The following ZMYM6 variants were observed in gnomAD, a reference collection of about 807,000 sequenced individuals.
The protein encoded by ZMYM6 is zinc finger MYM-type containing 6.
ZMYM6 carries 90 observed loss-of-function variants against 134.0 expected under a neutral mutation model. The observed-to-expected ratio is 0.67, with a 90% CI of 0.57 to 0.80. ZMYM6 has a LOEUF of 0.80. Ranked by LOEUF, ZMYM6 falls within the 30% of genes least tolerant of loss-of-function variation. The pLI is 0.00. For missense variants in ZMYM6, 1,362 were observed against 1,533.9 expected (o/e 0.89, Z 1.87); for synonymous variants, 481 against 524.1 (o/e 0.92, Z 1.12).
chr1:35,012,191 T>C (rs1641099746), intron 7 of ZMYM6, among the ~76,000 whole-genome samples, 186 bp from the exon 8 acceptor site: 1 of 152,136 alleles, frequency 6.6e-6, no homozygotes, highest in South Asian at 2.1e-4. Flanking sequence ...AAAACTAACT[T>C]GGAAATTTTA....
At position 35,019,450 on chromosome 1, in the gene ZMYM6, A is replaced by C; in HGVS notation, c.331T>G (p.Ser111Ala). 1 of 1,614,168 alleles carries C rather than the reference A, an allele frequency of 6.2e-7. No homozygotes were observed. The highest frequency in any genetic ancestry group is 8.5e-7 in the Non-Finnish European group (1 of 1,180,044). ...CGTGTGGAGCAGAAGAGCTGAGTAG[A>C]TCCTGTCTTATGATATGCAGTTTGG... ...KGQTAYHKTG[S>A]TQLFCSTRCI... The change falls in exon 4 of 16, where the codon TCT becomes GCT. Residue 111 changes from serine to alanine, a missense_variant. Around this residue, in one of 3 missense-constraint regions of ZMYM6, gnomAD observed 503 missense variants for 520.8 expected, o/e 0.97. Coordinates refer to ENST00000357182, the MANE Select transcript of ZMYM6 (RefSeq NM_007167.4).
chr1:35,002,388 G>A (rs78131153), intron 14 of ZMYM6, among the ~76,000 whole-genome samples: 5,386 of 152,232 alleles, frequency 0.035, 337 homozygotes, highest in African/African-American at 0.12. Context: ...TAAAACCTTG[G>A]TGGGCTTTAA....
At chr1:35,009,396 C>T (rs1025957618) in intron 10 of ZMYM6, among the ~76,000 whole-genome samples, 2 of 152,174 alleles carry the variant, frequency 1.3e-5, no homozygotes, top group East Asian at 1.9e-4. Flanking sequence ...TGAGCCACTG[C>T]GCCCTGCCAC....
rs1641155946 is a variant in ZMYM6, at chr1:35,015,052, G to C, written c.539C>G (p.Pro180Arg). ...CLSSYELKKKPVVTIYTKSIS... is the reference protein window; with the variant it reads ...CLSSYELKKKRVVTIYTKSIS... ...GCTTTTGGTATATATGGTAACAACAGGTTTTTTCTTTAGCTCATAAGATGA... is the reference window on the plus strand; with the variant it reads ...GCTTTTGGTATATATGGTAACAACACGTTTTTTCTTTAGCTCATAAGATGA... Residue 180 changes from proline to arginine, a missense_variant, in exon 5 of 16, where the codon CCT (proline) becomes CGT (arginine). Coordinates refer to ENST00000357182, the MANE Select transcript of ZMYM6 (RefSeq NM_007167.4). The C allele has an allele frequency of 1.2e-6, 2 of 1,613,900 alleles. No individual in the cohort carries two copies. The highest frequency in any genetic ancestry group is 4.5e-5 in the East Asian group (2 of 44,866).
intron 13 of ZMYM6, among the ~76,000 whole-genome samples, chr1:35,004,698 C>T (rs1177194961): frequency 1.3e-5 from 2 of 152,002 alleles, no homozygotes; most frequent in Admixed American, 6.6e-5. Context: ...TCCCCTGAGG[C>T]GGGGGTGGGG....
At chr1:34,990,272 A>T in intron 15 of ZMYM6, 1 of 272,686 alleles carries the variant, frequency 3.7e-6, no homozygotes, top group Non-Finnish European at 8.5e-6. Flanking sequence ...TGAGGTCACG[A>T]GTTTGAGACC....
rs141664923 is a variant in ZMYM6 at position 35,014,928 on chromosome 1, G to A, written c.604-40C>T. 32 of 1,607,392 alleles carry A rather than the reference G, an allele frequency of 2.0e-5. No homozygotes were observed. In the African/African-American group the frequency reaches 3.6e-4, roughly 18 times the overall value. ...CACACATACACACACAAAATAAGCA[G>A]AGCCAGTTAAAAAAAAATCTCTTTC... On this transcript the variant is annotated intron_variant, in intron 5 of 15. Transcript: ENST00000357182.
At chr1:35,020,348 T>C in intron 3 of ZMYM6, 35 bp downstream of exon 3, 1 of 1,543,662 alleles carries the variant, frequency 6.5e-7, no homozygotes, top group South Asian at 1.2e-5. Context: ...ATAAGCAAAT[T>C]AATTGTAACT....
chr1:35,003,496 A>T (rs940703165), intron 14 of ZMYM6, among the ~76,000 whole-genome samples: 1 of 152,266 alleles, frequency 6.6e-6, no homozygotes, highest in Non-Finnish European at 1.5e-5. Flanking sequence ...AAACAGGACT[A>T]CACTGAACTT....
rs745307540 is a variant in ZMYM6, at chr1:34,988,773, A to C, written c.2309T>G (p.Ile770Ser). Reference protein sequence around the residue: ...KESSPRPQCVICGEILSSENM... With the variant: ...KESSPRPQCVSCGEILSSENM... ...TTCACTGGATAAGATCTCTCCACAAATGACACACTGTGGCCTTGGTGAACT... is the reference window on the plus strand; with the variant it reads ...TTCACTGGATAAGATCTCTCCACAACTGACACACTGTGGCCTTGGTGAACT... The change falls in exon 16 of 16, where the codon ATT becomes AGT. Residue 770 changes from isoleucine (I) to serine (S), a missense_variant. Around this residue, in one of 3 missense-constraint regions of ZMYM6, gnomAD observed 824 missense variants for 940.9 expected, o/e 0.88. Transcript: ENST00000357182. 3 of 1,551,784 alleles carry C rather than the reference A, an allele frequency of 1.9e-6. No individual in the cohort carries two copies. The highest frequency in any genetic ancestry group is 2.6e-6 in the Non-Finnish European group (3 of 1,147,060).
chr1:35,015,716 T>A (rs1309612774), intron 4 of ZMYM6, among the ~76,000 whole-genome samples: 2 of 91,360 alleles, frequency 2.2e-5, no homozygotes, highest in African/African-American at 1.8e-4. Flanking sequence ...AGAGCTAGAC[T>A]CCATCTCAAA....
intron 4 of ZMYM6, among the ~76,000 whole-genome samples, chr1:35,015,743 A>AAATATATATATAT: frequency 1.9e-5 from 2 of 106,470 alleles, no homozygotes; most frequent in African/African-American, 1.3e-4. Context: ...AAAAAAAAAA[A>AAATATATATATAT]ATATATATAT....
Position 34,988,599 on chromosome 1 carries a change from A to G in ZMYM6, c.2483T>C (p.Leu828Pro), listed in dbSNP as rs1376314647. 1.3e-6 allele frequency: 2 copies of G among 1,550,676 alleles called. No individual in the cohort carries two copies. Among genetic ancestry groups the G allele is most frequent in the Admixed American group, 3.9e-5 (2 of 50,904 alleles). The change falls in exon 16 of 16, where the codon CTT (leucine) becomes CCT (proline). Residue 828 changes from leucine to proline, a missense_variant. This residue lies in a region of ZMYM6 where 824 missense variants were observed against 940.9 expected (regional missense o/e 0.88). Transcript: ENST00000357182. Reference sequence around the variant, plus strand: ...AGCAATTAAATAAGAAGCTTTCACAAGTGACTTTTCAACTAGTAAACACTT... The same window carrying G: ...AGCAATTAAATAAGAAGCTTTCACAGGTGACTTTTCAACTAGTAAACACTT... ...LKKCLLVEKS[L>P]VKASYLIAFQ...
At chr1:35,012,816 T>A (rs950930060) in intron 6 of ZMYM6, 1 of 985,200 alleles carries the variant, frequency 1.0e-6, no homozygotes, top group African/African-American at 1.7e-5. Context: ...ACAAAACACA[T>A]GAATTCAAAC....
Position 34,988,014 on chromosome 1 carries a change from G to A in ZMYM6, c.3068C>T (p.Ser1023Phe), listed in dbSNP as rs191286545. 1.9e-6 allele frequency: 3 copies of A among 1,551,332 alleles called. No homozygotes were observed. The East Asian group carries it at 7.3e-5, about 38-fold the overall frequency. Residue 1023 changes from serine (S) to phenylalanine (F), a missense_variant, in exon 16 of 16, where the codon TCT (serine) becomes TTT (phenylalanine). Ser to Phe is a radical substitution (Grantham distance 155). Coordinates refer to ENST00000357182, the MANE Select transcript of ZMYM6 (RefSeq NM_007167.4). ...HRERLVAEKL[S>F]PCLHKILLQS... ...CAAAAGAATTTTATGTAAACATGGA[G>A]ACAACTTTTCTGCCACTAAACGTTC...
intron 2 of ZMYM6, among the ~76,000 whole-genome samples, chr1:35,021,481 G>A (rs879357453): frequency 1.6e-4 from 24 of 151,892 alleles, no homozygotes; most frequent in African/African-American, 5.6e-4. Context: ...CTGGCTGGGC[G>A]TGGTGGCTCA....
At chr1:34,998,324 T>A (rs1426169159) in intron 14 of ZMYM6, among the ~76,000 whole-genome samples, 2 of 152,226 alleles carry the variant, frequency 1.3e-5, no homozygotes, top group Non-Finnish European at 1.5e-5. Flanking sequence ...TACTGGGTTG[T>A]CTGTCTATTC....
At chr1:35,000,299 G>C (rs951740020) in intron 14 of ZMYM6, among the ~76,000 whole-genome samples, 1 of 151,044 alleles carries the variant, frequency 6.6e-6, no homozygotes, top group Non-Finnish European at 1.5e-5. Context: ...GAGTGCAGTG[G>C]TGCAATCAAG....
At chr1:35,007,361 T>C (rs1411784409) in intron 11 of ZMYM6, among the ~76,000 whole-genome samples, 1 of 152,080 alleles carries the variant, frequency 6.6e-6, no homozygotes, top group Admixed American at 6.5e-5. Context: ...GAGGCCGAGG[T>C]GGGCGGATCA....
Sources: allele counts gnomAD v4.1 joint callset (sites outside exome capture counted in the v4.1 genomes callset), GRCh38; gene constraint gnomAD v4.1.1; regional missense constraint gnomAD v4.1.1; transcripts MANE v1.5; gene names NCBI Gene and HGNC (gene_info 2026-07-23, HGNC 2026-07-21).